CERS6: variants seen among roughly 807,000 people sequenced by gnomAD.
CERS6 encodes ceramide synthase 6.
In CERS6, 26 loss-of-function variants were observed where a neutral mutation model predicts 56.8. The observed-to-expected ratio is 0.46, with a 90% CI of 0.34 to 0.63. CERS6 has a LOEUF of 0.63. Ranked by LOEUF, CERS6 falls within the 30% of genes least tolerant of loss-of-function variation. The pLI, the probability that CERS6 is intolerant of heterozygous loss-of-function variation, is 0.01. For synonymous variants in CERS6, 164 were observed against 173.3 expected (o/e 0.95, Z 0.42); for missense variants, 415 against 467.5 (o/e 0.89, Z 1.04).
At chr2:168,589,266 T>C (rs554505216) in intron 3 of CERS6, among the ~76,000 whole-genome samples, 8 of 152,322 alleles carry the variant, frequency 5.3e-5, no homozygotes, top group South Asian at 2.1e-4. Flanking sequence ...GACATCCTAA[T>C]AGGTATGAGT....
At chr2:168,748,831 T>TG (rs72341847) in intron 8 of CERS6, among the ~76,000 whole-genome samples, 13,922 of 88,948 alleles carry the variant, frequency 0.16, 831 homozygotes, top group East Asian at 0.49. Flanking sequence ...TGGTTGGGGG[T>TG]GGGGGGGGGG....
At chr2:168,740,052 G>A (rs1432266575) in intron 8 of CERS6, among the ~76,000 whole-genome samples, 1 of 152,034 alleles carries the variant, frequency 6.6e-6, no homozygotes, top group Non-Finnish European at 1.5e-5. Context: ...GTCCAATTAG[G>A]AGCTGATGTT....
chr2:168,559,127 A>G (rs1400492903), intron 2 of CERS6, among the ~76,000 whole-genome samples: 2 of 152,000 alleles, frequency 1.3e-5, no homozygotes, highest in East Asian at 3.8e-4. Flanking sequence ...ATTGTAGGCA[A>G]TGATTTTTCT....
At chr2:168,495,054 T>A (rs916032564) in intron 1 of CERS6, among the ~76,000 whole-genome samples, 5 of 152,170 alleles carry the variant, frequency 3.3e-5, no homozygotes, top group African/African-American at 1.2e-4. Flanking sequence ...GGGTAGAATA[T>A]TGCAGTCCTT....
intron 6 of CERS6, among the ~76,000 whole-genome samples, chr2:168,712,847 G>A (rs1232831940): frequency 6.6e-6 from 1 of 152,012 alleles, no homozygotes; most frequent in Non-Finnish European, 1.5e-5. Context: ...CTCTCTGTAA[G>A]ACTAGCTTCC....
At chr2:168,669,079 A>C (rs1333717225) in intron 4 of CERS6, among the ~76,000 whole-genome samples, 3 of 152,194 alleles carry the variant, frequency 2.0e-5, no homozygotes, top group Non-Finnish European at 4.4e-5. Context: ...TAGTGGCTTA[A>C]ACAAGAAAAA....
intron 4 of CERS6, among the ~76,000 whole-genome samples, chr2:168,689,076 AC>A (rs1396344833): frequency 6.6e-6 from 1 of 152,166 alleles, no homozygotes; most frequent in African/African-American, 2.4e-5. Flanking sequence ...GGGCAAGCAC[AC>A]ACATGCCCAA....
chr2:168,749,493 T>C (rs576544726), intron 8 of CERS6, among the ~76,000 whole-genome samples: 9 of 152,268 alleles, frequency 5.9e-5, no homozygotes, highest in African/African-American at 2.2e-4. Context: ...CTCCACCCCT[T>C]ATTCAACGCA....
intron 4 of CERS6, among the ~76,000 whole-genome samples, chr2:168,635,770 A>G (rs1416714822): frequency 1.3e-5 from 2 of 151,992 alleles, no homozygotes; most frequent in African/African-American, 2.4e-5. Context: ...TCCTTTGCCC[A>G]CTCCCTTAGA....
At chr2:168,542,475 G>A (rs1695390115) in intron 1 of CERS6, among the ~76,000 whole-genome samples, 2 of 152,104 alleles carry the variant, frequency 1.3e-5, no homozygotes, top group South Asian at 4.1e-4. Flanking sequence ...ACATGTGTAG[G>A]TTTGTGTAGC....
intron 5 of CERS6, among the ~76,000 whole-genome samples, chr2:168,693,190 G>A (rs2105363637): frequency 6.6e-6 from 1 of 152,218 alleles, no homozygotes; most frequent in Non-Finnish European, 1.5e-5. Flanking sequence ...CTAGCTATGA[G>A]ACCTAGGCTT....
At chr2:168,535,445 G>A (rs185483761) in intron 1 of CERS6, among the ~76,000 whole-genome samples, 1 of 152,202 alleles carries the variant, frequency 6.6e-6, no homozygotes, top group East Asian at 1.9e-4. Context: ...TGGTTGGGGG[G>A]AGAGGGTTCT....
At chr2:168,696,433 T>G (rs1437662748) in intron 6 of CERS6, among the ~76,000 whole-genome samples, 1 of 152,242 alleles carries the variant, frequency 6.6e-6, no homozygotes, top group Non-Finnish European at 1.5e-5. Context: ...TCTATCTAAG[T>G]AGTCATTCTT....
chr2:168,486,922 G>A (rs1378677418), intron 1 of CERS6, among the ~76,000 whole-genome samples: 1 of 151,882 alleles, frequency 6.6e-6, no homozygotes, highest in African/African-American at 2.4e-5. Context: ...ACCTATTTTA[G>A]TAAATGAATT....
chr2:168,578,526 T>G (rs1384342580), intron 3 of CERS6, among the ~76,000 whole-genome samples: 1 of 152,184 alleles, frequency 6.6e-6, no homozygotes, highest in Non-Finnish European at 1.5e-5. Context: ...GCATTAGATG[T>G]TTTTATTTAA....
intron 3 of CERS6, among the ~76,000 whole-genome samples, chr2:168,601,674 C>T (rs532257212): frequency 3.9e-5 from 6 of 152,018 alleles, no homozygotes; most frequent in South Asian, 2.1e-4. Flanking sequence ...CTCAGCCTCT[C>T]GAGTACCTGG....
chr2:168,607,955 C>T (rs1684093874), intron 3 of CERS6, among the ~76,000 whole-genome samples: 1 of 152,162 alleles, frequency 6.6e-6, no homozygotes, highest in South Asian at 2.1e-4. Context: ...TATGTTCCAT[C>T]CTTCTGAATG....
Position 168,769,776 on chromosome 2 carries a change from A to G in CERS6, c.*114A>G, listed in dbSNP as rs1684818014. On this transcript the variant is annotated 3_prime_UTR_variant, in exon 10 of 10. Transcript: ENST00000305747. ...CTCAGCACCAGAAACAAAAATTAAG[A>G]TTATCAAAGCATTTTGAATAGTGCA... The G allele has an allele frequency of 9.2e-7, 1 of 1,092,040 alleles. No individual in the cohort carries two copies. Among genetic ancestry groups the G allele is most frequent in the Non-Finnish European group, 1.4e-6 (1 of 738,126 alleles). The allele number at this position is 1,092,040 out of a possible 1,614,324, so 67.6% of individuals were successfully genotyped here.
rs188086398 is a variant in CERS6 at position 168,607,979 on chromosome 2, A to G, written c.408-23006A>G. 4.2e-3 allele frequency among the ~76,000 whole-genome samples: 646 copies of G among 152,290 alleles called. 1 individual carries two copies. The highest frequency in any genetic ancestry group is 7.4e-3 in the Non-Finnish European group (501 of 68,032). On this transcript the variant is annotated intron_variant, in intron 3 of 9. Transcript: ENST00000305747. ...TCCTTCTGAATGCATCAGAGAGAGA[A>G]CCTCAGTTGTGAGCTGAGTTCCCTG...
Sources: allele counts gnomAD v4.1 joint callset (sites outside exome capture counted in the v4.1 genomes callset), GRCh38; gene constraint gnomAD v4.1.1; transcripts MANE v1.5; gene names NCBI Gene and HGNC (gene_info 2026-07-23, HGNC 2026-07-21).